RAVER1: variants seen among roughly 807,000 people sequenced by gnomAD.
RAVER1 encodes ribonucleoprotein PTB-binding 1.
A neutral mutation model predicts 68.4 loss-of-function variants in RAVER1; 36 were observed. The observed-to-expected ratio is 0.53, with a 90% CI of 0.40 to 0.70. The LOEUF (loss-of-function observed/expected upper bound fraction) is 0.70, where lower values mean the gene tolerates loss of function less well. RAVER1 is among the 30% of genes least tolerant of loss of function. The probability of loss-of-function intolerance (pLI) is 0.00; values close to 1 mark genes in which losing one functional copy is unlikely to be tolerated. For missense variants in RAVER1, 933 were observed against 1,019.8 expected, an observed-to-expected ratio of 0.91 and a Z score of 1.16; for synonymous variants, 469 against 472.7, an observed-to-expected ratio of 0.99 and a Z score of 0.10.
At position 10,322,875 on chromosome 19, in the gene RAVER1, AAAGG is replaced by A; in HGVS notation, c.1079-140_1079-137del. On this transcript the variant is annotated intron_variant, in intron 5 of 12. Coordinates refer to ENST00000617231, the MANE Select transcript of RAVER1 (RefSeq NM_133452.3). This position sits in a 1 kb window ranked among gnomAD's most constrained non-coding sequence, Gnocchi z 4.3. ...CGGGGGGTGGGCAGTGGACTTGCCC[AAAGG>A]AAGGGCCTAGAAGGGGCAGAGGCTA... The A allele has an allele frequency of 1.8e-6, 1 of 570,790 alleles. No individual in the cohort carries two copies. The highest frequency in any genetic ancestry group is 3.0e-6 in the Non-Finnish European group (1 of 338,280). The allele number at this position is 570,790 out of a possible 1,614,324, so 35.4% of individuals were successfully genotyped here.
At chr19:10,332,402 C>T (rs1363277150) in intron 1 of RAVER1, among the ~76,000 whole-genome samples, 2 of 152,168 alleles carry the variant, frequency 1.3e-5, no homozygotes, top group Non-Finnish European at 1.5e-5. Flanking sequence ...ACTGCAGACA[C>T]TGAGAGGAAG....
At chr19:10,319,359 G>A in intron 9 of RAVER1, 119 bp from the exon 10 acceptor site, 1 of 1,032,650 alleles carries the variant, frequency 9.7e-7, no homozygotes, top group Non-Finnish European at 1.4e-6. Context: ...GGACCAGGAA[G>A]AGGCAAATTT....
chr19:10,328,558 AAAAG>A lies in RAVER1; in HGVS notation c.756+80_756+83del, dbSNP rs1041837710. 1.0e-6 allele frequency: 1 copy of A among 960,072 alleles called. No individual in the cohort carries two copies. Among genetic ancestry groups the A allele is most frequent in the Non-Finnish European group, 1.5e-6 (1 of 657,788 alleles). 59.5% of individuals were successfully genotyped at this position (960,072 alleles called of 1,614,324 possible). On this transcript the variant is annotated intron_variant, in intron 3 of 12. Coordinates refer to ENST00000617231, the MANE Select transcript of RAVER1 (RefSeq NM_133452.3). This position sits in a 1 kb window ranked among gnomAD's most constrained non-coding sequence, Gnocchi z 4.4. The stretch of plus-strand genomic sequence containing the variant: ...CAAAGTGAGACTGTCTCAAAAAAAA[AAAAG>A]AAAAGGCAGATGACTCCAAAGACTC...
intron 1 of RAVER1, among the ~76,000 whole-genome samples, chr19:10,331,427 G>A (rs1225107253): frequency 8.2e-6 from 1 of 122,240 alleles, no homozygotes; most frequent in Non-Finnish European, 1.6e-5. Flanking sequence ...CCGGGCTCAC[G>A]CCTGTAATTC....
At chr19:10,318,483 C>G in intron 10 of RAVER1, 111 bp from the exon 11 acceptor site, 2 of 806,568 alleles carry the variant, frequency 2.5e-6, no homozygotes, top group South Asian at 1.7e-5. Flanking sequence ...CTCAGCCTCC[C>G]GAGTAGCTGG....
At position 10,323,938 on chromosome 19, in the gene RAVER1, C is replaced by T. The variant is rs927167819; in HGVS notation, c.757-372G>A. On this transcript the variant is annotated intron_variant, in intron 3 of 12. Coordinates refer to ENST00000617231, the MANE Select transcript of RAVER1 (RefSeq NM_133452.3). This position sits in a 1 kb window ranked among gnomAD's most constrained non-coding sequence, Gnocchi z 6.2. Reference sequence around the variant, plus strand: ...CCGAGGCGGGCAGATAACCTGAGGTCGGGAGTTCGAGACCAGCCTGACCAA... The same window carrying T: ...CCGAGGCGGGCAGATAACCTGAGGTTGGGAGTTCGAGACCAGCCTGACCAA... Among the ~76,000 whole-genome samples the T allele has an allele frequency of 1.2e-4, 18 of 152,022 alleles. No individual in the cohort carries two copies. The highest frequency in any genetic ancestry group is 2.1e-4 in the Non-Finnish European group (14 of 68,010).
intron 3 of RAVER1, among the ~76,000 whole-genome samples, chr19:10,326,717 G>C (rs552743960): frequency 6.7e-6 from 1 of 150,218 alleles, no homozygotes; most frequent in Admixed American, 6.6e-5. Context: ...GGCCTCCAAA[G>C]AGCTGGCATT....
chr19:10,331,645 C>T (rs2040518795), intron 1 of RAVER1, among the ~76,000 whole-genome samples: 1 of 128,918 alleles, frequency 7.8e-6, no homozygotes, highest in African/African-American at 3.0e-5. Flanking sequence ...GACATCAAGC[C>T]ACTGCACTCT....
At position 10,321,649 on chromosome 19, in the gene RAVER1, G is replaced by T. The variant is rs113383269; in HGVS notation, c.1174-31C>A. 1,092 of 1,392,246 alleles carry T rather than the reference G, an allele frequency of 7.8e-4. 8 individuals carry two copies. The African/African-American group carries it at 0.014, about 18-fold the overall frequency. 86.2% of individuals were successfully genotyped at this position (1,392,246 alleles called of 1,614,324 possible). A position where few individuals can be genotyped will look rare whatever the true frequency, so the allele number is the denominator to read the frequency against. On this transcript the variant is annotated intron_variant, in intron 6 of 12. Coordinates refer to ENST00000617231, the MANE Select transcript of RAVER1 (RefSeq NM_133452.3). ...GACAGAGCACAGACAGTTGCAGATG[G>T]GGGCAGGGTGGCCCAGGGAAGCAGA...
Position 10,331,387 on chromosome 19 carries a change from C to CAA in RAVER1, c.220-863_220-862dup, listed in dbSNP as rs1568314181. On this transcript the variant is annotated intron_variant, in intron 1 of 12. Transcript: ENST00000617231. ...AAAAAAAAAAAAAAAAAAAAAATAA[C>CAA]AACAACAAAAAAAAAAAAAAAAAAA... Among the ~76,000 whole-genome samples the CAA allele has an allele frequency of 2.0e-4, 9 of 44,552 alleles. 1 individual carries two copies. Among genetic ancestry groups the CAA allele is most frequent in the African/African-American group, 4.7e-4 (5 of 10,556 alleles). 29.2% of individuals were successfully genotyped at this position (44,552 alleles called of 152,430 possible). A position where few individuals can be genotyped will look rare whatever the true frequency, so the allele number is the denominator to read the frequency against.
intron 1 of RAVER1, 41 bp from the exon 2 acceptor site, chr19:10,330,567 T>C: frequency 2.0e-6 from 2 of 981,432 alleles, no homozygotes; most frequent in Non-Finnish European, 1.6e-6. Context: ...TTACTGGAGA[T>C]GGAAGGGGGC....
chr19:10,321,329 C>T, intron 7 of RAVER1, 70 bp from the exon 8 acceptor site: 1 of 868,232 alleles, frequency 1.2e-6, no homozygotes, highest in East Asian at 3.3e-5. Flanking sequence ...CTCCAGCTCC[C>T]ACCTGGACCA....
intron 1 of RAVER1, among the ~76,000 whole-genome samples, chr19:10,330,801 C>T (rs1190131762): frequency 3.9e-5 from 6 of 152,220 alleles, no homozygotes; most frequent in Non-Finnish European, 2.9e-5. Flanking sequence ...GGGTGGCTCA[C>T]GCTTATAATC....
chr19:10,321,140 G>T lies in RAVER1; in HGVS notation c.1381C>A (p.Gln461Lys). 1 of 1,290,906 alleles carries T rather than the reference G, an allele frequency of 7.7e-7. No individual in the cohort carries two copies. Among genetic ancestry groups the T allele is most frequent in the African/African-American group, 1.5e-5 (1 of 64,704 alleles). The allele number at this position is 1,290,906 out of a possible 1,614,324, so 80.0% of individuals were successfully genotyped here. A position where few individuals can be genotyped will look rare whatever the true frequency, so the allele number is the denominator to read the frequency against. Residue 461 changes from glutamine (Q) to lysine (K), a missense_variant, in exon 8 of 13, where the codon CAG becomes AAG. Transcript: ENST00000617231. Reference protein sequence around the residue: ...EALGLGPPAAQLTPPPAPVGL... With the variant: ...EALGLGPPAAKLTPPPAPVGL... ...ACAGGGGCGGGGGGAGGAGTGAGCTGGGCCGCTGGGGGACCCAAGCCCAGG... is the reference window on the plus strand; with the variant it reads ...ACAGGGGCGGGGGGAGGAGTGAGCTTGGCCGCTGGGGGACCCAAGCCCAGG...
At position 10,317,620 on chromosome 19, in the gene RAVER1, C is replaced by A. The variant is rs762051821; in HGVS notation, c.2074-20G>T. On this transcript the variant is annotated intron_variant, in intron 12 of 12. Transcript: ENST00000617231. The surrounding 1 kb of genome is among the most constrained non-coding windows in gnomAD (Gnocchi z 4.3). The stretch of plus-strand genomic sequence containing the variant: ...TGGGGTCTGGAGACAGAGGGCAGGG[C>A]GGGGCGGGTCAGGGGCCGCTGGGGG... The A allele has an allele frequency of 1.2e-6, 1 of 861,398 alleles. No individual in the cohort carries two copies. 53.4% of individuals were successfully genotyped at this position (861,398 alleles called of 1,614,324 possible). A position where few individuals can be genotyped will look rare whatever the true frequency, so the allele number is the denominator to read the frequency against.
intron 3 of RAVER1, among the ~76,000 whole-genome samples, chr19:10,326,074 G>A (rs565961621): frequency 2.8e-4 from 43 of 152,076 alleles, no homozygotes; most frequent in African/African-American, 8.2e-4. Context: ...TGGCCAACAC[G>A]GCGAAACCCC....
At chr19:10,331,275 G>A (rs1456505209) in intron 1 of RAVER1, among the ~76,000 whole-genome samples, 3 of 145,510 alleles carry the variant, frequency 2.1e-5, no homozygotes, top group Admixed American at 7.1e-5. Flanking sequence ...GCGTGAACCC[G>A]GGAAGCAGAG....
In RAVER1 at chr19:10,328,197, G is replaced by A. The variant is rs1363849815; in HGVS notation, c.756+445C>T. Among the ~76,000 whole-genome samples, 5 of 152,114 alleles carry A rather than the reference G, an allele frequency of 3.3e-5. No homozygotes were observed. Among genetic ancestry groups the A allele is most frequent in the Non-Finnish European group, 4.4e-5 (3 of 68,016 alleles). ...AGGAGGTGAGTGGTGAGCAAGCCTC[G>A]AGATCCATAGTTACAAGAGTGGCCT... On this transcript the variant is annotated intron_variant, in intron 3 of 12. Transcript: ENST00000617231. This position sits in a 1 kb window ranked among gnomAD's most constrained non-coding sequence, Gnocchi z 4.4.
chr19:10,332,383 A>C (rs1014717321), intron 1 of RAVER1, among the ~76,000 whole-genome samples: 1 of 152,166 alleles, frequency 6.6e-6, no homozygotes, highest in Non-Finnish European at 1.5e-5. Context: ...ATGTGTTCCC[A>C]GCTGAGAGAC....
Sources: allele counts gnomAD v4.1 joint callset (sites outside exome capture counted in the v4.1 genomes callset), GRCh38; gene constraint gnomAD v4.1.1; non-coding constraint Gnocchi (gnomAD v3.1); transcripts MANE v1.5; gene names NCBI Gene and HGNC (gene_info 2026-07-23, HGNC 2026-07-21).